SEC22A: variants seen among roughly 807,000 people sequenced by gnomAD.
SEC22A encodes SEC22 homolog A, vesicle trafficking protein, also known as vesicle-trafficking protein SEC22a.
In SEC22A, 22 loss-of-function variants were observed where a neutral mutation model predicts 35.3. That is an observed-to-expected ratio of 0.62 (90% CI 0.45 to 0.89). The LOEUF is 0.89. Among genes scored for constraint, SEC22A ranks in the 40% least tolerant of loss-of-function variants. SEC22A has a pLI of 0.00. For synonymous variants in SEC22A, 119 were observed against 129.5 expected, an observed-to-expected ratio of 0.92 and a Z score of 0.55; for missense variants, 354 against 362.5, an observed-to-expected ratio of 0.98 and a Z score of 0.19.
intron 5 of SEC22A, among the ~76,000 whole-genome samples, chr3:123,248,863 A>G (rs1937587568): frequency 6.6e-6 from 1 of 152,198 alleles, no homozygotes; most frequent in African/African-American, 2.4e-5. Context: ...TCTCATATCA[A>G]CATATTCCCC....
At chr3:123,215,148 T>G (rs542711121) in intron 2 of SEC22A, among the ~76,000 whole-genome samples, 1 of 152,352 alleles carries the variant, frequency 6.6e-6, no homozygotes, top group Admixed American at 6.5e-5. Flanking sequence ...GAAGGGCTAT[T>G]AAATAGAGCT....
At chr3:123,266,475 T>C (rs549356078) in intron 6 of SEC22A, among the ~76,000 whole-genome samples, 81 of 152,270 alleles carry the variant, frequency 5.3e-4, no homozygotes, top group Middle Eastern at 3.4e-3. Flanking sequence ...AATTTTGATA[T>C]GTTTTATTTT....
intron 4 of SEC22A, among the ~76,000 whole-genome samples, chr3:123,236,381 A>G (rs1937419201): frequency 6.6e-6 from 1 of 152,174 alleles, no homozygotes; most frequent in Non-Finnish European, 1.5e-5. Context: ...GAATTTAATC[A>G]ACTATAATCT....
At chr3:123,202,333 G>T (rs1336867478) in intron 1 of SEC22A, among the ~76,000 whole-genome samples, 1 of 152,206 alleles carries the variant, frequency 6.6e-6, no homozygotes, top group African/African-American at 2.4e-5. Context: ...TGTCAGCATG[G>T]TGGTGGGGAT....
At chr3:123,204,466 T>C (rs1028201617) in intron 1 of SEC22A, among the ~76,000 whole-genome samples, 1 of 152,212 alleles carries the variant, frequency 6.6e-6, no homozygotes, top group African/African-American at 2.4e-5. Context: ...TTAGAACGTA[T>C]ATACAAAATC....
chr3:123,245,232 A>T (rs1533393), intron 4 of SEC22A, among the ~76,000 whole-genome samples: 2 of 152,152 alleles, frequency 1.3e-5, no homozygotes, highest in African/African-American at 4.8e-5. Context: ...CAGAAAAAGT[A>T]GGATTATGCA....
Position 123,254,733 on chromosome 3 carries a change from TTTTC to T in SEC22A, c.658-4787_658-4784del, listed in dbSNP as rs1470991241. Reference sequence around the variant, plus strand: ...GCTCCTTTACCCTCTATTTCTTTTCTTTTCTTTTTTTTTATTATACTTCAAGTTC... The same window carrying T: ...GCTCCTTTACCCTCTATTTCTTTTCTTTTTTTTTTATTATACTTCAAGTTC... On this transcript the variant is annotated intron_variant, in intron 5 of 6. Coordinates refer to ENST00000492595, the MANE Select transcript of SEC22A (RefSeq NM_012430.5). Among the ~76,000 whole-genome samples, 12 of 144,978 alleles carry T rather than the reference TTTTC, an allele frequency of 8.3e-5. No homozygotes were observed. The East Asian group carries it at 2.0e-3, about 24-fold the overall frequency.
chr3:123,220,400 A>G (rs906096732), intron 2 of SEC22A, among the ~76,000 whole-genome samples: 3 of 152,206 alleles, frequency 2.0e-5, no homozygotes, highest in Non-Finnish European at 4.4e-5. Flanking sequence ...TGATAATGAC[A>G]GTGAAGATTT....
At chr3:123,258,321 T>C (rs1003325989) in intron 5 of SEC22A, among the ~76,000 whole-genome samples, 1 of 152,172 alleles carries the variant, frequency 6.6e-6, no homozygotes, top group African/African-American at 2.4e-5. Flanking sequence ...TTGTGGCATT[T>C]ATAGGTTATA....
At chr3:123,228,637 G>A (rs913811117) in intron 4 of SEC22A, among the ~76,000 whole-genome samples, 19 of 151,568 alleles carry the variant, frequency 1.3e-4, no homozygotes, top group Non-Finnish European at 2.5e-4. Context: ...GGGGTAGAGG[G>A]GACAGAATGT....
rs561427762 is a variant in SEC22A at position 123,225,544 on chromosome 3, T to TA, written c.541+254dup. ...AAAAACATTTTTTTAAATTTAAAATTAAAAAAAGTTAATTTTCATGGGTAC... is the reference window on the plus strand; with the variant it reads ...AAAAACATTTTTTTAAATTTAAAATTAAAAAAAAGTTAATTTTCATGGGTAC... On this transcript the variant is annotated intron_variant, in intron 4 of 6. Coordinates refer to ENST00000492595, the MANE Select transcript of SEC22A (RefSeq NM_012430.5). Among the ~76,000 whole-genome samples the TA allele has an allele frequency of 2.7e-4, 41 of 152,250 alleles. No homozygotes were observed. In the East Asian group the frequency reaches 7.5e-3, roughly 28 times the overall value.
intron 2 of SEC22A, among the ~76,000 whole-genome samples, chr3:123,212,571 A>T (rs1412752047): frequency 6.6e-6 from 1 of 152,154 alleles, no homozygotes; most frequent in African/African-American, 2.4e-5. Flanking sequence ...AATTAAAAAA[A>T]TTTATTTTGA....
chr3:123,249,964 G>T (rs1359090962), intron 5 of SEC22A, among the ~76,000 whole-genome samples: 1 of 152,136 alleles, frequency 6.6e-6, no homozygotes. Context: ...TATTTACAAG[G>T]GTTTTATTTT....
chr3:123,264,687 G>A (rs1446371012), intron 6 of SEC22A, among the ~76,000 whole-genome samples: 2 of 149,212 alleles, frequency 1.3e-5, no homozygotes, highest in Admixed American at 6.7e-5. Context: ...GAAGTGCAGT[G>A]TCATGATCTC....
chr3:123,213,048 A>G (rs771831320), intron 2 of SEC22A, among the ~76,000 whole-genome samples: 13 of 152,226 alleles, frequency 8.5e-5, no homozygotes, highest in Non-Finnish European at 1.9e-4. Context: ...GCAGAAGTCT[A>G]ATCTGGTCTA....
At chr3:123,245,624 T>G (rs2108077342) in intron 4 of SEC22A, among the ~76,000 whole-genome samples, 1 of 152,144 alleles carries the variant, frequency 6.6e-6, no homozygotes, top group Middle Eastern at 3.4e-3. Context: ...GCTTGAGCCC[T>G]TGAGTTTGAG....
chr3:123,216,863 C>T (rs376374305), intron 2 of SEC22A, among the ~76,000 whole-genome samples: 12 of 152,306 alleles, frequency 7.9e-5, no homozygotes, highest in East Asian at 5.8e-4. Context: ...GGGTTTTGCT[C>T]TGTTGCCCAG....
At chr3:123,211,369 G>A (rs1158153794) in intron 2 of SEC22A, among the ~76,000 whole-genome samples, 1 of 152,164 alleles carries the variant, frequency 6.6e-6, no homozygotes, top group African/African-American at 2.4e-5. Context: ...CTTGGAATTG[G>A]ACAGAATGTT....
chr3:123,261,417 G>A (rs1937892953), intron 6 of SEC22A, among the ~76,000 whole-genome samples: 1 of 152,144 alleles, frequency 6.6e-6, no homozygotes, highest in Admixed American at 6.5e-5. Flanking sequence ...GGTAGAGTCA[G>A]TACTTAACTC....
Sources: allele counts gnomAD v4.1 joint callset (sites outside exome capture counted in the v4.1 genomes callset), GRCh38; gene constraint gnomAD v4.1.1; transcripts MANE v1.5; gene names NCBI Gene and HGNC (gene_info 2026-07-23, HGNC 2026-07-21).